The following HERC2 variants were observed in gnomAD, a reference collection of about 807,000 sequenced individuals.
HERC2 encodes HECT and RLD domain containing E3 ubiquitin protein ligase 2, also known as E3 ubiquitin-protein ligase HERC2.
HERC2 carries 102 observed loss-of-function variants against 537.7 expected under a neutral mutation model. The observed-to-expected ratio is 0.19, with a 90% CI of 0.16 to 0.22. The LOEUF (loss-of-function observed/expected upper bound fraction) is 0.22, where lower values mean the gene tolerates loss of function less well. HERC2 is among the 10% of genes least tolerant of loss of function. The probability of loss-of-function intolerance (pLI) is 1.00; values close to 1 mark genes in which losing one functional copy is unlikely to be tolerated. For missense variants in HERC2, 4,236 were observed against 6,198.2 expected, an observed-to-expected ratio of 0.68 and a Z score of 10.63; for synonymous variants, 2,224 against 2,466.2, an observed-to-expected ratio of 0.90 and a Z score of 2.91.
chr15:28,271,232 T>C (rs897037039), intron 9 of HERC2, among the ~76,000 whole-genome samples: 1 of 152,238 alleles, frequency 6.6e-6, no homozygotes, highest in Non-Finnish European at 1.5e-5. Flanking sequence ...CAAGCTGGCC[T>C]TGAAATCTAA....
At chr15:28,298,005 TTGTG>T (rs373425948) in intron 3 of HERC2, among the ~76,000 whole-genome samples, 7,771 of 128,914 alleles carry the variant, frequency 0.06, 375 homozygotes, top group East Asian at 0.37. Context: ...CTGTCAGTTA[TTGTG>T]TGTGTGTGTG....
Position 28,144,138 on chromosome 15 carries a change from G to T in HERC2, c.11238C>A (p.Asn3746Lys). The change falls in exon 73 of 93, where the codon AAC becomes AAA. Residue 3746 changes from asparagine to lysine, a missense_variant. This residue lies in a region of HERC2 where 109 missense variants were observed against 133.5 expected (regional missense o/e 0.82). Coordinates refer to ENST00000261609, the MANE Select transcript of HERC2 (RefSeq NM_004667.6). ...LLDFRLNLAS[N>K]RSIVPRLAAS... ...CCGCAAGGCGAGGGACGATGCTTCT[G>T]TTAGAGGCAAGGTTGAGTCGGAAGT... 1 of 1,614,212 alleles carries T rather than the reference G, an allele frequency of 6.2e-7. No individual in the cohort carries two copies. The highest frequency in any genetic ancestry group is 8.5e-7 in the Non-Finnish European group (1 of 1,180,046).
chr15:28,203,831 C>T (rs1291119124), intron 45 of HERC2: 1 of 151,976 alleles, frequency 6.6e-6, no homozygotes, highest in Non-Finnish European at 1.5e-5. Context: ...AGAGCCTGCG[C>T]TCGGCACAAA....
chr15:28,154,772 T>TA (rs1487936750), intron 69 of HERC2, among the ~76,000 whole-genome samples: 30 of 152,192 alleles, frequency 2.0e-4, no homozygotes, highest in South Asian at 8.3e-4. Context: ...TATATATATA[T>TA]TTTTTTATTA....
chr15:28,149,130 C>CA (rs1566944621), intron 70 of HERC2, among the ~76,000 whole-genome samples: 4 of 151,646 alleles, frequency 2.6e-5, no homozygotes, highest in Non-Finnish European at 5.9e-5. Flanking sequence ...GTAATATTAC[C>CA]AAAAAAACAC....
Position 28,111,650 on chromosome 15 carries a change from G to A in HERC2, c.*113C>T. The A allele has an allele frequency of 8.6e-7, 1 of 1,160,398 alleles. No individual in the cohort carries two copies. Among genetic ancestry groups the A allele is most frequent in the Non-Finnish European group, 1.2e-6 (1 of 813,342 alleles). The allele number at this position is 1,160,398 out of a possible 1,614,324, so 71.9% of individuals were successfully genotyped here. ...GTCTCTCCACTCCCTCCTCCCGCCT[G>A]GCTCGAGGACGGACGCTTCTCATCA... On this transcript the variant is annotated 3_prime_UTR_variant, in exon 93 of 93. Transcript: ENST00000261609.
At chr15:28,186,539 C>T (rs569529592) in intron 56 of HERC2, 38 bp downstream of exon 56, 11 of 1,553,794 alleles carry the variant, frequency 7.1e-6, no homozygotes, top group Admixed American at 3.4e-5. Flanking sequence ...AGGAATGTAG[C>T]GGGAGGTAAG....
In HERC2 at chr15:28,233,764, C is replaced by T. The variant is rs377009957; in HGVS notation, c.4251G>A (p.Arg1417=). ...DFLCQIERYC[R]QCHLTTPIMF... ...TGATCGGTGTGGTCAAATGGCACTG[C>T]CTACAGTACCTTTCTATTTGACACA... is the stretch of plus-strand genomic sequence containing the variant. Residue 1417 remains arginine, a synonymous_variant, in exon 28 of 93, where the codon AGG becomes AGA. Transcript: ENST00000261609. 196 of 1,612,044 alleles carry T rather than the reference C, an allele frequency of 1.2e-4. No homozygotes were observed. The highest frequency in any genetic ancestry group is 1.7e-4 in the Non-Finnish European group (195 of 1,179,032).
intron 4 of HERC2, among the ~76,000 whole-genome samples, chr15:28,290,265 C>T (rs2076276756): frequency 6.6e-6 from 1 of 152,104 alleles, no homozygotes; most frequent in Non-Finnish European, 1.5e-5. Context: ...ACACTATCAA[C>T]TTGATCTCAT....
At chr15:28,194,767 A>C (rs1897193463) in intron 52 of HERC2, among the ~76,000 whole-genome samples, 1 of 152,124 alleles carries the variant, frequency 6.6e-6, no homozygotes, top group African/African-American at 2.4e-5. Context: ...AAAATGTATA[A>C]AATTTTGGCT....
At chr15:28,288,257 T>A (rs2076213319) in intron 4 of HERC2, among the ~76,000 whole-genome samples, 2 of 152,044 alleles carry the variant, frequency 1.3e-5, no homozygotes, top group African/African-American at 4.8e-5. Flanking sequence ...TAAAAAACTT[T>A]TTTCTGGCCA....
intron 2 of HERC2, among the ~76,000 whole-genome samples, chr15:28,306,537 G>C (rs1231306607): frequency 1.3e-5 from 2 of 152,070 alleles, no homozygotes; most frequent in African/African-American, 4.8e-5. Context: ...TTGTTTTTTT[G>C]ATTATGTCTT....
intron 78 of HERC2, among the ~76,000 whole-genome samples, chr15:28,139,883 AC>A: frequency 6.8e-6 from 1 of 147,684 alleles, no homozygotes; most frequent in Non-Finnish European, 1.5e-5. Flanking sequence ...ATATGGCGAA[AC>A]CCCATCTCTA....
chr15:28,178,857 C>G, intron 59 of HERC2, 30 bp downstream of exon 59: 2 of 1,601,064 alleles, frequency 1.2e-6, no homozygotes, highest in Non-Finnish European at 1.7e-6. Context: ...AAGGCCGCCC[C>G]GCACAGGCCT....
At position 28,267,186 on chromosome 15, in the gene HERC2, TAC is replaced by T. The variant is rs568179378; in HGVS notation, c.1599-1214_1599-1213del. ...CTTTGTGACCTACTAGTTTGCAAAA[TAC>T]ACACAGTGGCACAGGTGCTCACAGG... On this transcript the variant is annotated intron_variant, in intron 12 of 92. Transcript: ENST00000261609. Among the ~76,000 whole-genome samples, 245 of 152,242 alleles carry T rather than the reference TAC, an allele frequency of 1.6e-3. 2 individuals carry two copies. The highest frequency in any genetic ancestry group is 5.7e-3 in the African/African-American group (238 of 41,536).
At chr15:28,237,962 T>A in intron 25 of HERC2, 152 bp downstream of exon 25, 1 of 730,552 alleles carries the variant, frequency 1.4e-6, no homozygotes, top group Non-Finnish European at 2.5e-6. Flanking sequence ...TAAATTCATT[T>A]ATGACAAAAC....
At chr15:28,126,999 G>A (rs566747163) in intron 83 of HERC2, among the ~76,000 whole-genome samples, 8 of 152,156 alleles carry the variant, frequency 5.3e-5, no homozygotes, top group African/African-American at 1.4e-4. Context: ...AAATACCACC[G>A]GAAAATATTC....
At chr15:28,190,424 A>G (rs1896751519) in intron 55 of HERC2, 1 of 152,108 alleles carries the variant, frequency 6.6e-6, no homozygotes, top group South Asian at 2.1e-4. Flanking sequence ...AGAGAGAGAT[A>G]ATTGCTGATC....
At chr15:28,245,779 C>A in intron 23 of HERC2, 102 bp downstream of exon 23, 1 of 1,108,766 alleles carries the variant, frequency 9.0e-7, no homozygotes, top group Non-Finnish European at 1.3e-6. Context: ...GTAGAAATGG[C>A]AAATCTTCCT....
Sources: gnomAD v4.1 joint callset for allele counts (sites outside exome capture counted in the v4.1 genomes callset) on GRCh38, gnomAD v4.1.1 for gene constraint, gnomAD v4.1.1 regional missense constraint, MANE v1.5 for transcripts, NCBI Gene and HGNC (gene_info 2026-07-23, HGNC 2026-07-21) for gene names.